Variants in NKAIN3 observed in about 807,000 individuals in gnomAD.
NKAIN3 encodes the protein sodium/potassium-transporting ATPase subunit beta-1-interacting protein 3.
In NKAIN3, 25 loss-of-function variants were observed where a neutral mutation model predicts 30.2. The ratio of observed to expected loss-of-function variants is 0.83; its 90% confidence interval spans 0.60 to 1.16. The LOEUF is 1.16. NKAIN3 is among the 50% of genes most tolerant of loss of function. The pLI is 0.00. For synonymous variants in NKAIN3, 91 were observed against 89.6 expected (o/e 1.02, Z -0.09); for missense variants, 225 against 254.1 (o/e 0.89, Z 0.78).
intron 1 of NKAIN3, among the ~76,000 whole-genome samples, chr8:62,527,240 C>T (rs1216114743): frequency 6.6e-6 from 1 of 152,082 alleles, no homozygotes; most frequent in East Asian, 1.9e-4. Flanking sequence ...ATAACTGGCC[C>T]CTCTATTGAA....
At chr8:62,399,015 C>T (rs995068157) in intron 1 of NKAIN3, among the ~76,000 whole-genome samples, 13 of 151,990 alleles carry the variant, frequency 8.6e-5, no homozygotes, top group African/African-American at 2.7e-4. Context: ...CACTTGAACC[C>T]GGAAGGCAGA....
At chr8:62,442,216 A>G (rs1312405415) in intron 1 of NKAIN3, among the ~76,000 whole-genome samples, 1 of 152,002 alleles carries the variant, frequency 6.6e-6, no homozygotes, top group Non-Finnish European at 1.5e-5. Flanking sequence ...TTCTTTGTAA[A>G]ACTATCAGAG....
intron 4 of NKAIN3, among the ~76,000 whole-genome samples, chr8:62,870,203 A>G (rs1317345002): frequency 7.2e-5 from 2 of 27,788 alleles, no homozygotes; most frequent in Non-Finnish European, 1.9e-4. Flanking sequence ...AATAAACTCT[A>G]TTTTGTATAT....
In NKAIN3 at chr8:62,622,514, A is replaced by G. The variant is rs187009177; in HGVS notation, c.273+32720A>G. ...GTAGTGATATTTCATTGTGGCTTTA[A>G]TTCGCATTTCCTTAATGGCTAATGA... On this transcript the variant is annotated intron_variant, in intron 3 of 6. Transcript: ENST00000623646. Among the ~76,000 whole-genome samples the G allele has an allele frequency of 3.9e-5, 6 of 152,134 alleles. No homozygotes were observed. The East Asian group carries it at 1.2e-3, about 29-fold the overall frequency.
At chr8:62,994,069 T>G (rs1317879515) in intron 5 of NKAIN3, among the ~76,000 whole-genome samples, 1 of 151,356 alleles carries the variant, frequency 6.6e-6, no homozygotes, top group East Asian at 2.0e-4. Flanking sequence ...TGTCACCATG[T>G]GTTAACATTA....
At chr8:62,676,530 C>A (rs1295251861) in intron 3 of NKAIN3, among the ~76,000 whole-genome samples, 1 of 152,230 alleles carries the variant, frequency 6.6e-6, no homozygotes, top group African/African-American at 2.4e-5. Flanking sequence ...GATTGCACCA[C>A]TGCACTCCAG....
chr8:62,696,996 T>G (rs1221986025), intron 3 of NKAIN3, among the ~76,000 whole-genome samples: 1 of 152,202 alleles, frequency 6.6e-6, no homozygotes. Flanking sequence ...AAAATGACAC[T>G]GTTAAATTGC....
At chr8:62,738,169 C>T (rs1348444953) in intron 3 of NKAIN3, among the ~76,000 whole-genome samples, 3 of 152,182 alleles carry the variant, frequency 2.0e-5, no homozygotes, top group African/African-American at 7.2e-5. Context: ...ACATCCTCTC[C>T]AGCATCTGTT....
chr8:62,446,802 G>T (rs777785468), intron 1 of NKAIN3, among the ~76,000 whole-genome samples: 1 of 151,984 alleles, frequency 6.6e-6, no homozygotes, highest in Non-Finnish European at 1.5e-5. Flanking sequence ...TTCATTTTCA[G>T]GGTTAAGTCA....
At chr8:62,589,846 T>C in intron 3 of NKAIN3, 52 bp downstream of exon 3, 1 of 890,470 alleles carries the variant, frequency 1.1e-6, no homozygotes. Context: ...CACTTCTAAG[T>C]ATTGTGACTA....
At chr8:62,806,910 G>A (rs1181104239) in intron 4 of NKAIN3, among the ~76,000 whole-genome samples, 1 of 151,998 alleles carries the variant, frequency 6.6e-6, no homozygotes, top group African/African-American at 2.4e-5. Flanking sequence ...CCAAGCAGGG[G>A]ACTAATTCCT....
At chr8:62,279,210 C>A (rs555582760) in intron 1 of NKAIN3, among the ~76,000 whole-genome samples, 1 of 152,072 alleles carries the variant, frequency 6.6e-6, no homozygotes, top group Non-Finnish European at 1.5e-5. Context: ...CCTTCACCCA[C>A]TTTTGATAGG....
chr8:62,310,744 C>T (rs888731947), intron 1 of NKAIN3, among the ~76,000 whole-genome samples: 3 of 150,118 alleles, frequency 2.0e-5, no homozygotes, highest in Non-Finnish European at 2.9e-5. Flanking sequence ...CTGCCCAGCC[C>T]GAGTGTGTAC....
At chr8:62,256,703 A>G (rs1812272120) in intron 1 of NKAIN3, among the ~76,000 whole-genome samples, 1 of 152,152 alleles carries the variant, frequency 6.6e-6, no homozygotes, top group Non-Finnish European at 1.5e-5. Flanking sequence ...GGGAGTCCAG[A>G]TAGAAGCCCC....
chr8:62,341,392 C>T (rs1327252975), intron 1 of NKAIN3, among the ~76,000 whole-genome samples: 1 of 152,008 alleles, frequency 6.6e-6, no homozygotes, highest in African/African-American at 2.4e-5. Context: ...AGATGAAATT[C>T]ATTCTAGAAA....
At position 62,695,050 on chromosome 8, in the gene NKAIN3, C is replaced by T. The variant is rs148752414; in HGVS notation, c.274-51882C>T. Among the ~76,000 whole-genome samples, 944 of 152,278 alleles carry T rather than the reference C, an allele frequency of 6.2e-3. 3 individuals carry two copies. The highest frequency in any genetic ancestry group is 0.011 in the Non-Finnish European group (767 of 68,020). ...TAGTGCAAGTGCATCTATCCCTATG[C>T]GGATTTCATATTGCCTTCTCCTCTC... On this transcript the variant is annotated intron_variant, in intron 3 of 6. Coordinates refer to ENST00000623646, the MANE Select transcript of NKAIN3 (RefSeq NM_001304533.3).
chr8:62,797,576 A>G (rs1258954385), intron 4 of NKAIN3, among the ~76,000 whole-genome samples: 2 of 152,196 alleles, frequency 1.3e-5, no homozygotes, highest in Admixed American at 1.3e-4. Flanking sequence ...CATGTCTGGC[A>G]GAGAGTCTCA....
At chr8:62,305,557 C>T (rs1366477489) in intron 1 of NKAIN3, among the ~76,000 whole-genome samples, 1 of 150,466 alleles carries the variant, frequency 6.6e-6, no homozygotes, top group Admixed American at 6.6e-5. Context: ...TTTTAAAACT[C>T]AAGTTTCAAC....
chr8:62,523,659 G>T (rs76228518), intron 1 of NKAIN3, among the ~76,000 whole-genome samples: 1 of 151,992 alleles, frequency 6.6e-6, no homozygotes, highest in Non-Finnish European at 1.5e-5. Flanking sequence ...ACTATAGGGC[G>T]CACAGCATGG....
Sources: gnomAD v4.1 joint callset for allele counts (sites outside exome capture counted in the v4.1 genomes callset) on GRCh38, gnomAD v4.1.1 for gene constraint, MANE v1.5 for transcripts, NCBI Gene and HGNC (gene_info 2026-07-23, HGNC 2026-07-21) for gene names.